The following COL5A2 variants were observed in gnomAD, a reference collection of about 807,000 sequenced individuals.
The protein encoded by COL5A2 is collagen type V alpha 2 chain.
In COL5A2, 23 loss-of-function variants were observed where a neutral mutation model predicts 208.2. The observed-to-expected ratio is 0.11, with a 90% confidence interval of 0.08 to 0.16. The LOEUF (loss-of-function observed/expected upper bound fraction) is 0.16, where lower values mean the gene tolerates loss of function less well. COL5A2 is among the 10% of genes least tolerant of loss of function. COL5A2 has a pLI of 1.00. For synonymous variants in COL5A2, 625 were observed against 628.5 expected (o/e 0.99, Z 0.08); for missense variants, 1,590 against 1,956.4 (o/e 0.81, Z 3.53).
the COL5A2 span, among the ~76,000 whole-genome samples, chr2:189,436,207 T>C: frequency 5.9e-5 from 9 of 152,214 alleles, no homozygotes; most frequent in East Asian, 1.7e-3. Context: ...GGCAATACCA[T>C]TCAAGACATA....
intron 7 of COL5A2, among the ~76,000 whole-genome samples, chr2:189,090,714 T>C (rs1415663423): frequency 6.6e-6 from 1 of 152,192 alleles, no homozygotes; most frequent in Non-Finnish European, 1.5e-5. Flanking sequence ...ATAAAACAAC[T>C]CTGCCTGTAC....
At chr2:189,438,796 T>C in the COL5A2 span, among the ~76,000 whole-genome samples, 1 of 152,222 alleles carries the variant, frequency 6.6e-6, no homozygotes, top group Non-Finnish European at 1.5e-5. Context: ...TTTTATTGTA[T>C]GTAAATTTTT....
chr2:189,269,186 C>A, the COL5A2 span, among the ~76,000 whole-genome samples: 2 of 152,082 alleles, frequency 1.3e-5, no homozygotes, highest in East Asian at 3.9e-4. Flanking sequence ...AAAATTAATT[C>A]TATTCTTGAA....
At chr2:189,238,924 T>C in the COL5A2 span, among the ~76,000 whole-genome samples, 3 of 152,246 alleles carry the variant, frequency 2.0e-5, no homozygotes, top group South Asian at 4.1e-4. Context: ...GGTCAGGTTT[T>C]AAAAAGGGTA....
the COL5A2 span, chr2:189,311,755 T>C: frequency 1.3e-6 from 1 of 787,038 alleles, no homozygotes; most frequent in Non-Finnish European, 2.2e-6. Context: ...CTTGTCAAGC[T>C]CCTCTCGGTT....
At chr2:189,356,869 G>T in the COL5A2 span, among the ~76,000 whole-genome samples, 1 of 152,178 alleles carries the variant, frequency 6.6e-6, no homozygotes, top group East Asian at 1.9e-4. Flanking sequence ...CATCTTCGTG[G>T]ATTTATCTAC....
Position 189,047,275 on chromosome 2 carries a change from AC to A in COL5A2, c.3201+933del, listed in dbSNP as rs552941110. On this transcript the variant is annotated intron_variant, in intron 45 of 53. Transcript: ENST00000374866. ...CGATTTTCATAATTACTTCAGCAAA[AC>A]CTTTGAAGATGGTTGCACTATATAG... is the stretch of plus-strand genomic sequence containing the variant. 1.1e-4 allele frequency among the ~76,000 whole-genome samples: 17 copies of A among 152,310 alleles called. No homozygotes were observed. In the East Asian group the frequency reaches 3.3e-3, roughly 29 times the overall value.
the COL5A2 span, among the ~76,000 whole-genome samples, chr2:189,345,985 T>C: frequency 6.6e-6 from 1 of 152,180 alleles, no homozygotes; most frequent in African/African-American, 2.4e-5. Context: ...TTGACTTTAA[T>C]AGAAAGGTAA....
chr2:189,217,503 T>TTGTG (rs111881864), intron 1 of COL5A2, among the ~76,000 whole-genome samples: 7 of 150,986 alleles, frequency 4.6e-5, no homozygotes, highest in Non-Finnish European at 8.9e-5. Flanking sequence ...TTAGTGAGAT[T>TTGTG]TGTGTGTGTG....
intron 52 of COL5A2, 26 bp from the exon 53 acceptor site, chr2:189,035,181 T>G: frequency 1.9e-6 from 3 of 1,613,626 alleles, no homozygotes; most frequent in Non-Finnish European, 2.5e-6. Context: ...GTCTTTGTCA[T>G]ACACAAGACT....
At chr2:189,347,602 T>C in the COL5A2 span, among the ~76,000 whole-genome samples, 6 of 152,140 alleles carry the variant, frequency 3.9e-5, no homozygotes, top group Non-Finnish European at 8.8e-5. Context: ...TGTCAACAAG[T>C]GCCCCAGAGT....
chr2:189,159,223 G>C (rs945935302), intron 1 of COL5A2, among the ~76,000 whole-genome samples: 1 of 152,136 alleles, frequency 6.6e-6, no homozygotes, highest in African/African-American at 2.4e-5. Flanking sequence ...TTCAGATGTG[G>C]TCTCTGCTTA....
intron 1 of COL5A2, among the ~76,000 whole-genome samples, chr2:189,139,321 A>T (rs571893502): frequency 1.3e-5 from 2 of 152,304 alleles, no homozygotes; most frequent in South Asian, 4.1e-4. Flanking sequence ...TATCAGTAAT[A>T]ATAATTCATG....
chr2:189,054,116 G>T (rs776274960), intron 36 of COL5A2, 43 bp downstream of exon 36: 39 of 1,539,710 alleles, frequency 2.5e-5, no homozygotes, highest in Non-Finnish European at 3.5e-5. Flanking sequence ...TGCTATTCAG[G>T]ACTCATAATT....
chr2:189,416,670 C>G, the COL5A2 span, among the ~76,000 whole-genome samples: 2 of 152,134 alleles, frequency 1.3e-5, no homozygotes, highest in African/African-American at 4.8e-5. Flanking sequence ...ATGTAACAAA[C>G]CTGCACGTTG....
the COL5A2 span, among the ~76,000 whole-genome samples, chr2:189,249,315 T>C: frequency 6.6e-6 from 1 of 152,180 alleles, no homozygotes; most frequent in Non-Finnish European, 1.5e-5. Context: ...AAAGCTTAAA[T>C]TCTTTCTCCA....
At chr2:189,318,948 T>C in the COL5A2 span, among the ~76,000 whole-genome samples, 25 of 152,312 alleles carry the variant, frequency 1.6e-4, no homozygotes, top group Middle Eastern at 3.4e-3. Context: ...ATTATCATTA[T>C]ACATCTGCAC....
At chr2:189,311,437 C>G in the COL5A2 span, 81 of 1,143,062 alleles carry the variant, frequency 7.1e-5, no homozygotes, top group African/African-American at 1.1e-3. Flanking sequence ...CAGCCTCCAG[C>G]TTGACCTCGA....
the COL5A2 span, among the ~76,000 whole-genome samples, chr2:189,293,813 C>T: frequency 3.3e-5 from 5 of 152,132 alleles, no homozygotes; most frequent in East Asian, 5.8e-4. Flanking sequence ...GGGCCAGGAG[C>T]GGTGGCTCAT....
Sources: allele counts gnomAD v4.1 joint callset (sites outside exome capture counted in the v4.1 genomes callset), GRCh38; gene constraint gnomAD v4.1.1; transcripts MANE v1.5; gene names NCBI Gene and HGNC (gene_info 2026-07-23, HGNC 2026-07-21).